The following PCED1B variants were observed in gnomAD, a reference collection of about 807,000 sequenced individuals.
The protein encoded by PCED1B is PC-esterase domain-containing protein 1B.
For synonymous variants in PCED1B, 251 were observed against 246.1 expected (o/e 1.02, Z -0.19); for missense variants, 573 against 573.9 (o/e 1.00, Z 0.02).
chr12:47,129,252 C>G (rs953297979), intron 2 of PCED1B, among the ~76,000 whole-genome samples: 2 of 152,158 alleles, frequency 1.3e-5, no homozygotes, highest in Admixed American at 6.5e-5. Flanking sequence ...GCAGGTGGAT[C>G]TCTTGAGCTC....
intron 2 of PCED1B, among the ~76,000 whole-genome samples, chr12:47,198,748 T>G (rs1216079154): frequency 2.0e-5 from 3 of 152,122 alleles, no homozygotes; most frequent in Admixed American, 1.3e-4. Flanking sequence ...GCGGATCACC[T>G]GAGGTCAGGA....
chr12:47,134,647 A>T (rs2137374004), intron 2 of PCED1B, among the ~76,000 whole-genome samples: 1 of 152,328 alleles, frequency 6.6e-6, no homozygotes, highest in East Asian at 1.9e-4. Context: ...AGGAAGGCGG[A>T]TCACGAGGTC....
At chr12:47,162,019 A>G (rs541675178) in intron 2 of PCED1B, among the ~76,000 whole-genome samples, 4 of 152,134 alleles carry the variant, frequency 2.6e-5, no homozygotes, top group Admixed American at 6.5e-5. Context: ...AAGGACAGAA[A>G]ACCAAACACC....
intron 2 of PCED1B, among the ~76,000 whole-genome samples, chr12:47,185,605 A>G (rs973746048): frequency 1.3e-5 from 2 of 151,918 alleles, no homozygotes; most frequent in Non-Finnish European, 2.9e-5. Flanking sequence ...CCTGGCCAAC[A>G]TGTTGAAACC....
intron 2 of PCED1B, among the ~76,000 whole-genome samples, chr12:47,187,445 TAGAGAACAAG>T (rs1942307607): frequency 6.6e-6 from 1 of 152,056 alleles, no homozygotes; most frequent in Admixed American, 6.5e-5. Flanking sequence ...GTTTCAAAAA[TAGAGAACAAG>T]AGAGAAAAAG....
chr12:47,188,868 TAC>T (rs1942358231), intron 2 of PCED1B, among the ~76,000 whole-genome samples: 1 of 152,222 alleles, frequency 6.6e-6, no homozygotes, highest in Non-Finnish European at 1.5e-5. Context: ...CAACCCTGGC[TAC>T]ACAGTTGCTG....
At chr12:47,187,270 T>G (rs1043635459) in intron 2 of PCED1B, among the ~76,000 whole-genome samples, 1 of 152,162 alleles carries the variant, frequency 6.6e-6, no homozygotes, top group Non-Finnish European at 1.5e-5. Context: ...ATAGTGTTCA[T>G]AGGGAGAGAC....
intron 2 of PCED1B, among the ~76,000 whole-genome samples, chr12:47,120,550 C>G (rs1939633265): frequency 1.3e-5 from 2 of 152,038 alleles, no homozygotes. Flanking sequence ...GCCTGTAATC[C>G]CAGCACTTTG....
chr12:47,109,299 G>T (rs1939089329), intron 2 of PCED1B, among the ~76,000 whole-genome samples: 1 of 151,816 alleles, frequency 6.6e-6, no homozygotes, highest in Non-Finnish European at 1.5e-5. Context: ...CAGGTGGCAA[G>T]TTGAGCTATA....
At chr12:47,100,145 A>G (rs2137213440) in intron 1 of PCED1B, among the ~76,000 whole-genome samples, 1 of 152,360 alleles carries the variant, frequency 6.6e-6, no homozygotes, top group East Asian at 1.9e-4. Flanking sequence ...AAAGGAACAC[A>G]GTTTCTGACA....
intron 3 of PCED1B, among the ~76,000 whole-genome samples, chr12:47,227,516 C>T (rs966786019): frequency 6.6e-6 from 1 of 151,926 alleles, no homozygotes; most frequent in Non-Finnish European, 1.5e-5. Context: ...AGTCATTTTC[C>T]CCTCTCTTTC....
At chr12:47,193,955 A>T (rs1942523503) in intron 2 of PCED1B, among the ~76,000 whole-genome samples, 2 of 152,172 alleles carry the variant, frequency 1.3e-5, no homozygotes, top group Admixed American at 1.3e-4. Context: ...ACTAAGCTGC[A>T]TTCTGGTTTC....
At chr12:47,167,948 G>A (rs554461332) in intron 2 of PCED1B, among the ~76,000 whole-genome samples, 7 of 152,274 alleles carry the variant, frequency 4.6e-5, no homozygotes, top group Admixed American at 3.3e-4. Context: ...GAAGGTGGTC[G>A]GGAAAGGGGC....
rs140939688 is a variant in PCED1B at position 47,116,199 on chromosome 12, A to G, written c.-526+12004A>G. Among the ~76,000 whole-genome samples the G allele has an allele frequency of 2.9e-3, 444 of 152,330 alleles. 6 individuals carry two copies. In the South Asian group the frequency reaches 0.036, roughly 12 times the overall value. The stretch of plus-strand genomic sequence containing the variant: ...TAATTGGAAGGCAAATACAAAATTC[A>G]TATAAATATTTGCAGACACACCCTG... On this transcript the variant is annotated intron_variant, in intron 2 of 3. Transcript: ENST00000546455.
chr12:47,150,371 C>T (rs1592205367), intron 2 of PCED1B, among the ~76,000 whole-genome samples: 3 of 151,642 alleles, frequency 2.0e-5, no homozygotes, highest in Admixed American at 6.6e-5. Context: ...GTCAGGAGTT[C>T]GAGACCAACC....
At chr12:47,121,727 A>G (rs1939685190) in intron 2 of PCED1B, among the ~76,000 whole-genome samples, 1 of 152,138 alleles carries the variant, frequency 6.6e-6, no homozygotes, top group African/African-American at 2.4e-5. Context: ...CTCTGTCAAA[A>G]TAAGTGATAA....
At chr12:47,165,243 T>C (rs1002811594) in intron 2 of PCED1B, among the ~76,000 whole-genome samples, 11 of 152,244 alleles carry the variant, frequency 7.2e-5, no homozygotes, top group African/African-American at 2.7e-4. Context: ...ACCAGAGGCA[T>C]ATCTGAGTTA....
At chr12:47,098,304 A>G (rs1293141410) in intron 1 of PCED1B, among the ~76,000 whole-genome samples, 2 of 152,184 alleles carry the variant, frequency 1.3e-5, no homozygotes, top group East Asian at 3.9e-4. Context: ...AGAGCTCCCA[A>G]CCAGCGAGGG....
chr12:47,190,567 G>A (rs192550194), intron 2 of PCED1B, among the ~76,000 whole-genome samples: 1 of 152,196 alleles, frequency 6.6e-6, no homozygotes, highest in Non-Finnish European at 1.5e-5. Context: ...TGCAAATCCT[G>A]CATCTGGGAT....
Sources: allele counts gnomAD v4.1 joint callset (sites outside exome capture counted in the v4.1 genomes callset), GRCh38; gene constraint gnomAD v4.1.1; transcripts MANE v1.5; gene names NCBI Gene and HGNC (gene_info 2026-07-23, HGNC 2026-07-21).